The following RBFOX1 variants were observed in gnomAD, a reference collection of about 807,000 sequenced individuals.
RBFOX1 encodes the protein RNA binding protein fox-1 homolog 1.
A neutral mutation model predicts 57.7 loss-of-function variants in RBFOX1; 8 were observed. The ratio of observed to expected loss-of-function variants is 0.14; its 90% confidence interval spans 0.08 to 0.25. The LOEUF (loss-of-function observed/expected upper bound fraction) is 0.25. Ranked by LOEUF, RBFOX1 falls within the 10% of genes least tolerant of loss-of-function variation. The pLI is 1.00. For missense variants in RBFOX1, 611 were observed against 548.5 expected (o/e 1.11, Z -1.14); for synonymous variants, 326 against 222.4 (o/e 1.47, Z -4.15).
chr16:7,534,403 C>T (rs1209226857), intron 5 of RBFOX1, among the ~76,000 whole-genome samples: 1 of 151,870 alleles, frequency 6.6e-6, no homozygotes, highest in Non-Finnish European at 1.5e-5. Flanking sequence ...ACCACAGCAA[C>T]TCTTTAAACA....
At chr16:5,601,259 G>A (rs190925662), downstream of RBFOX1, 2 of 152,566 alleles carry the variant, frequency 1.3e-5, no homozygotes, top group East Asian at 1.9e-4. Context: ...TCTGAAGGCT[G>A]GAGTGGGGCT....
intron 3 of RBFOX1, among the ~76,000 whole-genome samples, chr16:5,704,870 G>C (rs561603019): frequency 1.6e-4 from 25 of 152,244 alleles, no homozygotes; most frequent in African/African-American, 5.5e-4. Flanking sequence ...ATTTGAATTA[G>C]GAATGAGACT....
intron 1 of RBFOX1, among the ~76,000 whole-genome samples, chr16:5,307,833 C>G (rs1226946261): frequency 6.6e-6 from 1 of 152,074 alleles, no homozygotes; most frequent in Non-Finnish European, 1.5e-5. Flanking sequence ...ACCACCATGC[C>G]CAGGTAATTT....
chr16:7,643,004 C>G (rs1031096461), intron 11 of RBFOX1, among the ~76,000 whole-genome samples: 6 of 152,212 alleles, frequency 3.9e-5, no homozygotes, highest in Admixed American at 3.3e-4. Context: ...AAACATATCA[C>G]TACACATTTA....
At chr16:6,053,776 G>A (rs975651281) in intron 1 of RBFOX1, among the ~76,000 whole-genome samples, 5 of 152,102 alleles carry the variant, frequency 3.3e-5, no homozygotes, top group African/African-American at 1.2e-4. Context: ...CCTTAGGCTG[G>A]GCACAGTGGC....
At chr16:7,541,497 T>C (rs568856548) in intron 5 of RBFOX1, among the ~76,000 whole-genome samples, 35 of 152,022 alleles carry the variant, frequency 2.3e-4, no homozygotes, top group African/African-American at 8.0e-4. Flanking sequence ...TCACTCAGAG[T>C]GAATTCAGTG....
chr16:6,871,939 G>A (rs1014329651), intron 3 of RBFOX1, among the ~76,000 whole-genome samples: 8 of 150,638 alleles, frequency 5.3e-5, no homozygotes, highest in African/African-American at 2.0e-4. Flanking sequence ...GTGTGTGTGT[G>A]TGTGTGTGTG....
chr16:7,312,432 C>T (rs866768493), intron 4 of RBFOX1, among the ~76,000 whole-genome samples: 27 of 152,152 alleles, frequency 1.8e-4, no homozygotes, highest in African/African-American at 5.6e-4. Flanking sequence ...GTTAAAGAAA[C>T]GTAGGATTTG....
chr16:5,744,875 A>G (rs957812785), intron 3 of RBFOX1, among the ~76,000 whole-genome samples: 1 of 151,980 alleles, frequency 6.6e-6, no homozygotes, highest in African/African-American at 2.4e-5. Context: ...CTCCTGCCTC[A>G]CCGCTCTCTC....
At chr16:6,166,519 T>C (rs1411159493) in intron 1 of RBFOX1, among the ~76,000 whole-genome samples, 1 of 152,204 alleles carries the variant, frequency 6.6e-6, no homozygotes, top group Non-Finnish European at 1.5e-5. Flanking sequence ...TCTTTTTCCA[T>C]GTTGGTTTCA....
At chr16:6,692,951 C>G (rs2060429423) in intron 3 of RBFOX1, among the ~76,000 whole-genome samples, 1 of 151,182 alleles carries the variant, frequency 6.6e-6, no homozygotes, top group African/African-American at 2.4e-5. Flanking sequence ...CAACATCATC[C>G]CCATCCACTA....
intron 4 of RBFOX1, among the ~76,000 whole-genome samples, chr16:7,214,671 G>A (rs185245961): frequency 6.6e-6 from 1 of 151,998 alleles, no homozygotes; most frequent in Non-Finnish European, 1.5e-5. Context: ...TCTGAGCCCT[G>A]CACATAAAAT....
chr16:7,258,790 G>A lies in RBFOX1; in HGVS notation c.27+206692G>A, dbSNP rs572825881. Among the ~76,000 whole-genome samples, 40 of 152,110 alleles carry A rather than the reference G, an allele frequency of 2.6e-4. 1 individual carries two copies. The highest frequency in any genetic ancestry group is 5.1e-4 in the Non-Finnish European group (35 of 68,028). ...GCAACTACTGCTGATTTTGAACCGA[G>A]AAAGGGTTCCTCTAACTGATGTCAT... On this transcript the variant is annotated intron_variant, in intron 4 of 15. Transcript: ENST00000550418.
At chr16:7,674,762 C>T (rs1001427184) in intron 13 of RBFOX1, among the ~76,000 whole-genome samples, 2 of 152,208 alleles carry the variant, frequency 1.3e-5, no homozygotes, top group African/African-American at 4.8e-5. Flanking sequence ...TTCTACTATA[C>T]ATAACCTACT....
intron 1 of RBFOX1, among the ~76,000 whole-genome samples, chr16:5,388,700 G>T (rs2066321216): frequency 6.6e-6 from 1 of 151,890 alleles, no homozygotes; most frequent in Middle Eastern, 3.2e-3. Context: ...TCAGCCTTCT[G>T]AGTAGCTGGG....
At position 6,460,606 on chromosome 16, in the gene RBFOX1, G is replaced by C. The variant is rs142580618; in HGVS notation, c.-64+143549G>C. Among the ~76,000 whole-genome samples, 658 of 152,266 alleles carry C rather than the reference G, an allele frequency of 4.3e-3. 4 individuals are homozygous for C. Among genetic ancestry groups the C allele is most frequent in the African/African-American group, 0.015 (622 of 41,556 alleles). The stretch of plus-strand genomic sequence containing the variant: ...AAAAGTTAAGAAACAACAGATGCTG[G>C]TGAGCTTGTAGATAAATAGGAACAC... On this transcript the variant is annotated intron_variant, in intron 2 of 15. Transcript: ENST00000550418.
At chr16:6,968,112 A>G (rs1300852167) in intron 3 of RBFOX1, among the ~76,000 whole-genome samples, 2 of 152,074 alleles carry the variant, frequency 1.3e-5, no homozygotes, top group Non-Finnish European at 2.9e-5. Context: ...GTGGCTCTGA[A>G]CTTGCAACCC....
chr16:6,745,822 T>G (rs150434327), intron 3 of RBFOX1, among the ~76,000 whole-genome samples: 45 of 152,280 alleles, frequency 3.0e-4, no homozygotes, highest in African/African-American at 9.9e-4. Flanking sequence ...GGCATCTGTT[T>G]AGAGAAGAAA....
At position 7,587,261 on chromosome 16, in the gene RBFOX1, C is replaced by A; in HGVS notation, c.429C>A (p.Ile143=). 1.3e-6 allele frequency: 2 copies of A among 1,567,820 alleles called. No individual in the cohort carries two copies. The highest frequency in any genetic ancestry group is 2.3e-5 in the East Asian group (1 of 43,718). Reference sequence around the variant, plus strand: ...TTTCTTTGCAGCAATTTGGTAAAATCTTAGATGTTGAAATTATTTTTAATG... The same window carrying A: ...TTTCTTTGCAGCAATTTGGTAAAATATTAGATGTTGAAATTATTTTTAATG... ...LRQMFGQFGK[I]LDVEIIFNER... is the part of the protein sequence containing the mutation. Residue 143 remains isoleucine (I), a synonymous_variant, in exon 7 of 16, where the codon ATC becomes ATA. Transcript: ENST00000550418.
Sources: allele counts gnomAD v4.1 joint callset (sites outside exome capture counted in the v4.1 genomes callset), GRCh38; gene constraint gnomAD v4.1.1; transcripts MANE v1.5; gene names NCBI Gene and HGNC (gene_info 2026-07-23, HGNC 2026-07-21).